Variants in XYLT1 observed in about 807,000 individuals in gnomAD.
XYLT1 encodes the protein xylosyltransferase 1.
XYLT1 carries 36 observed loss-of-function variants against 91.3 expected under a neutral mutation model. The observed-to-expected ratio is 0.39, with a 90% CI of 0.30 to 0.52. The LOEUF (loss-of-function observed/expected upper bound fraction) is 0.52, where lower values mean the gene tolerates loss of function less well. Among genes scored for constraint, XYLT1 ranks in the 20% least tolerant of loss-of-function variants. XYLT1 has a pLI of 0.68. For synonymous variants in XYLT1, 588 were observed against 532.0 expected (o/e 1.11, Z -1.45); for missense variants, 1,242 against 1,284.5 (o/e 0.97, Z 0.51).
intron 5 of XYLT1, among the ~76,000 whole-genome samples, chr16:17,174,896 A>G (rs2031905687): frequency 6.6e-6 from 1 of 152,074 alleles, no homozygotes. Flanking sequence ...TCAGCCTCTC[A>G]AGTAGCTGGG....
intron 1 of XYLT1, among the ~76,000 whole-genome samples, chr16:17,408,882 G>A (rs8051079): frequency 0.067 from 10,160 of 151,984 alleles, 539 homozygotes; most frequent in African/African-American, 0.14. Context: ...AAAGAGTAAC[G>A]AGTGTTAGAT....
intron 9 of XYLT1, among the ~76,000 whole-genome samples, chr16:17,129,795 G>A (rs1483993959): frequency 2.0e-4 from 30 of 152,192 alleles, no homozygotes; most frequent in Non-Finnish European, 7.3e-5. Flanking sequence ...CTACCGTATT[G>A]GACAGCAAAG....
intron 3 of XYLT1, among the ~76,000 whole-genome samples, chr16:17,225,152 T>TACACAC (rs751269290): frequency 5.4e-5 from 8 of 147,498 alleles, no homozygotes; most frequent in East Asian, 2.0e-4. Flanking sequence ...ATTCTTATTT[T>TACACAC]ACACACACAC....
At chr16:17,329,906 T>C (rs188524071) in intron 2 of XYLT1, among the ~76,000 whole-genome samples, 185 of 152,266 alleles carry the variant, frequency 1.2e-3, no homozygotes, top group African/African-American at 4.0e-3. Context: ...AAAAATAGCA[T>C]AGGTTCCAGA....
chr16:17,222,010 T>C (rs1432992705), intron 3 of XYLT1, among the ~76,000 whole-genome samples: 3 of 152,160 alleles, frequency 2.0e-5, no homozygotes, highest in Non-Finnish European at 4.4e-5. Flanking sequence ...CTTAGCACCC[T>C]TCTCTTGCAG....
intron 2 of XYLT1, among the ~76,000 whole-genome samples, chr16:17,267,985 G>A (rs2033832233): frequency 6.6e-6 from 1 of 152,228 alleles, no homozygotes; most frequent in Admixed American, 6.5e-5. Context: ...GTGACTTAAA[G>A]TGGTTCTTAA....
chr16:17,166,718 C>T (rs577325225), intron 5 of XYLT1, among the ~76,000 whole-genome samples: 226 of 148,566 alleles, frequency 1.5e-3, no homozygotes, highest in African/African-American at 3.4e-3. Flanking sequence ...GATGGGGTTT[C>T]GTCATGTTGG....
intron 3 of XYLT1, among the ~76,000 whole-genome samples, chr16:17,216,814 T>C (rs2032869577): frequency 6.6e-6 from 1 of 152,240 alleles, no homozygotes; most frequent in African/African-American, 2.4e-5. Flanking sequence ...CAGGATACTC[T>C]GTCATCCTGC....
intron 6 of XYLT1, among the ~76,000 whole-genome samples, chr16:17,147,056 G>T (rs2031152140): frequency 6.6e-6 from 1 of 152,136 alleles, no homozygotes; most frequent in Non-Finnish European, 1.5e-5. Context: ...ATCCCTATAG[G>T]GGTCAGACAG....
chr16:17,402,057 G>A (rs1439307809), intron 1 of XYLT1, among the ~76,000 whole-genome samples: 3 of 151,938 alleles, frequency 2.0e-5, no homozygotes, highest in African/African-American at 4.8e-5. Context: ...CCAACACTTC[G>A]GGAGGCTGAG....
At chr16:17,209,976 G>A (rs1289375983) in intron 3 of XYLT1, among the ~76,000 whole-genome samples, 3 of 152,120 alleles carry the variant, frequency 2.0e-5, no homozygotes, top group Non-Finnish European at 4.4e-5. Context: ...GCTCACTGCA[G>A]TCTCAAACTC....
intron 6 of XYLT1, among the ~76,000 whole-genome samples, 165 bp downstream of exon 6, chr16:17,158,664 G>T (rs1187027228): frequency 1.3e-5 from 2 of 152,192 alleles, no homozygotes; most frequent in Non-Finnish European, 1.5e-5. Context: ...TGACAGAAGG[G>T]ACTACTTCAG....
intron 2 of XYLT1, among the ~76,000 whole-genome samples, chr16:17,298,607 A>AT (rs2034350340): frequency 6.6e-6 from 1 of 152,084 alleles, no homozygotes; most frequent in South Asian, 2.1e-4. Context: ...GCTGTGCGAG[A>AT]TTGAGTTGGG....
At chr16:17,145,653 T>A (rs1249030361) in intron 6 of XYLT1, among the ~76,000 whole-genome samples, 1 of 152,214 alleles carries the variant, frequency 6.6e-6, no homozygotes, top group East Asian at 1.9e-4. Flanking sequence ...TCTCCCAGAC[T>A]TGTGTGTTAT....
chr16:17,390,760 G>A (rs2035807001), intron 1 of XYLT1, among the ~76,000 whole-genome samples: 2 of 152,240 alleles, frequency 1.3e-5, no homozygotes, highest in Admixed American at 1.3e-4. Context: ...CCTTGGCCAG[G>A]GGCAGTGGCT....
At chr16:17,458,803 C>T (rs932214778) in intron 1 of XYLT1, among the ~76,000 whole-genome samples, 2 of 152,144 alleles carry the variant, frequency 1.3e-5, no homozygotes, top group African/African-American at 4.8e-5. Context: ...GCATGTTAAA[C>T]GAGAAGAGTG....
intron 1 of XYLT1, among the ~76,000 whole-genome samples, chr16:17,449,621 A>C (rs547176913): frequency 6.6e-6 from 1 of 152,376 alleles, no homozygotes; most frequent in South Asian, 2.1e-4. Context: ...AATGCTGACA[A>C]CACTAGGTGT....
At chr16:17,127,304 C>T (rs1024697058) in intron 10 of XYLT1, among the ~76,000 whole-genome samples, 1 of 152,194 alleles carries the variant, frequency 6.6e-6, no homozygotes, top group Non-Finnish European at 1.5e-5. Flanking sequence ...TTTGAGCTCT[C>T]CCACTTCCTA....
chr16:17,405,181 G>A (rs543679017), intron 1 of XYLT1, among the ~76,000 whole-genome samples: 90 of 152,302 alleles, frequency 5.9e-4, no homozygotes, highest in African/African-American at 2.0e-3. Context: ...AATGAATGTG[G>A]CGCTTGTCAG....
Sources: allele counts gnomAD v4.1 joint callset (sites outside exome capture counted in the v4.1 genomes callset), GRCh38; gene constraint gnomAD v4.1.1; transcripts MANE v1.5; gene names NCBI Gene and HGNC (gene_info 2026-07-23, HGNC 2026-07-21).